The following FAM107B variants were observed in gnomAD, a reference collection of about 807,000 sequenced individuals.
FAM107B encodes the protein protein FAM107B.
FAM107B carries 21 observed loss-of-function variants against 31.5 expected under a neutral mutation model. That is an observed-to-expected ratio of 0.67 (90% CI 0.47 to 0.96). The LOEUF (loss-of-function observed/expected upper bound fraction) is 0.96, where lower values mean the gene tolerates loss of function less well. Ranked by LOEUF, FAM107B falls within the 40% of genes least tolerant of loss-of-function variation. The pLI, the probability that FAM107B is intolerant of heterozygous loss-of-function variation, is 0.00. For synonymous variants in FAM107B, 157 were observed against 141.5 expected (o/e 1.11, Z -0.78); for missense variants, 452 against 377.1 (o/e 1.20, Z -1.64).
intron 2 of FAM107B, among the ~76,000 whole-genome samples, chr10:14,640,220 G>T (rs1853595594): frequency 6.6e-6 from 1 of 152,204 alleles, no homozygotes; most frequent in Non-Finnish European, 1.5e-5. Flanking sequence ...TCTTGTTCAA[G>T]GCCACAAAGC....
intron 2 of FAM107B, among the ~76,000 whole-genome samples, chr10:14,579,682 AG>A (rs1223487713): frequency 1.3e-5 from 2 of 152,220 alleles, no homozygotes; most frequent in African/African-American, 4.8e-5. Flanking sequence ...TTAGGAGATA[AG>A]AGGAGGATAA....
At chr10:14,692,941 A>C (rs960408505) in intron 1 of FAM107B, among the ~76,000 whole-genome samples, 2 of 152,242 alleles carry the variant, frequency 1.3e-5, no homozygotes, top group Non-Finnish European at 2.9e-5. Flanking sequence ...AAACAACCTC[A>C]AGAGATCATT....
At chr10:14,526,455 C>T (rs954253332) in intron 3 of FAM107B, among the ~76,000 whole-genome samples, 8 of 152,274 alleles carry the variant, frequency 5.3e-5, no homozygotes, top group East Asian at 3.9e-4. Context: ...GAATTACAGG[C>T]GTGAGCCGCC....
intron 1 of FAM107B, among the ~76,000 whole-genome samples, chr10:14,730,042 G>A (rs28477844): frequency 2.6e-5 from 4 of 152,232 alleles, no homozygotes; most frequent in South Asian, 2.1e-4. Context: ...CTGTTGGGGG[G>A]TTGGGGGCAA....
At chr10:14,534,270 G>A (rs369728951) in intron 2 of FAM107B, among the ~76,000 whole-genome samples, 2 of 152,092 alleles carry the variant, frequency 1.3e-5, no homozygotes, top group African/African-American at 4.8e-5. Flanking sequence ...GGGGGTGAAC[G>A]GGCCGGAGCA....
At chr10:14,713,036 C>T (rs1855688979) in intron 1 of FAM107B, among the ~76,000 whole-genome samples, 1 of 152,140 alleles carries the variant, frequency 6.6e-6, no homozygotes, top group Non-Finnish European at 1.5e-5. Context: ...TCCTCCCCTC[C>T]CCTTTCCCAG....
At chr10:14,672,305 C>G (rs1291133313) in intron 1 of FAM107B, among the ~76,000 whole-genome samples, 1 of 152,100 alleles carries the variant, frequency 6.6e-6, no homozygotes, top group African/African-American at 2.4e-5. Context: ...TCAAGCTGGT[C>G]TCAAACTCCT....
At chr10:14,538,625 T>TCTGGATAATACAC (rs1394544692) in intron 2 of FAM107B, among the ~76,000 whole-genome samples, 1 of 152,216 alleles carries the variant, frequency 6.6e-6, no homozygotes, top group Non-Finnish European at 1.5e-5. Context: ...TAATACAGAT[T>TCTGGATAATACAC]CTGGTGACAC....
intron 2 of FAM107B, among the ~76,000 whole-genome samples, chr10:14,544,726 T>C (rs1230005124): frequency 6.6e-6 from 1 of 151,446 alleles, no homozygotes; most frequent in African/African-American, 2.4e-5. Context: ...TATTCCGGCA[T>C]GGTCTATGAT....
intron 2 of FAM107B, among the ~76,000 whole-genome samples, chr10:14,640,860 C>T (rs1237953465): frequency 1.3e-5 from 2 of 152,192 alleles, no homozygotes; most frequent in African/African-American, 4.8e-5. Context: ...TGCTTTTCTT[C>T]AAGGGGACTG....
chr10:14,682,572 T>G (rs7896538), intron 1 of FAM107B, among the ~76,000 whole-genome samples: 82,748 of 151,970 alleles, frequency 0.54, 23,634 homozygotes, highest in South Asian at 0.68. Flanking sequence ...TAAAAAAGGA[T>G]GAGCTCATGT....
chr10:14,658,242 A>C (rs1185580601), intron 2 of FAM107B, among the ~76,000 whole-genome samples: 3 of 152,258 alleles, frequency 2.0e-5, no homozygotes, highest in African/African-American at 7.2e-5. Context: ...AAGAGTTTAG[A>C]GGTCAGGTCT....
intron 2 of FAM107B, among the ~76,000 whole-genome samples, chr10:14,592,332 A>T (rs1369241305): frequency 6.6e-6 from 1 of 152,182 alleles, no homozygotes; most frequent in Non-Finnish European, 1.5e-5. Flanking sequence ...CCTTTGCTGG[A>T]AATTTTTGCC....
intron 1 of FAM107B, among the ~76,000 whole-genome samples, chr10:14,707,534 A>G (rs141842283): frequency 2.2e-4 from 34 of 152,278 alleles, no homozygotes; most frequent in African/African-American, 8.2e-4. Flanking sequence ...CCATGACTGC[A>G]GAAGAAAAGG....
intron 2 of FAM107B, among the ~76,000 whole-genome samples, chr10:14,536,610 C>T (rs1847639144): frequency 6.6e-6 from 1 of 152,226 alleles, no homozygotes; most frequent in Non-Finnish European, 1.5e-5. Context: ...AAACTCCTGA[C>T]TTGCCTGGCC....
intron 1 of FAM107B, among the ~76,000 whole-genome samples, chr10:14,695,721 C>G (rs1252941779): frequency 6.6e-6 from 1 of 152,094 alleles, no homozygotes; most frequent in Non-Finnish European, 1.5e-5. Flanking sequence ...AAGATTATTC[C>G]TAAGTACTTT....
At chr10:14,732,134 T>TA (rs1324301916) in intron 1 of FAM107B, among the ~76,000 whole-genome samples, 1 of 152,190 alleles carries the variant, frequency 6.6e-6, no homozygotes, top group Non-Finnish European at 1.5e-5. Context: ...GATAATGACC[T>TA]AACTCAAACT....
At chr10:14,699,910 A>G (rs1486594304) in intron 1 of FAM107B, among the ~76,000 whole-genome samples, 1 of 152,058 alleles carries the variant, frequency 6.6e-6, no homozygotes, top group Non-Finnish European at 1.5e-5. Context: ...GATAGTGAAG[A>G]GTCACTTTTT....
chr10:14,689,396 A>G (rs1001335719), intron 1 of FAM107B, among the ~76,000 whole-genome samples: 1 of 149,502 alleles, frequency 6.7e-6, no homozygotes, highest in Non-Finnish European at 1.5e-5. Flanking sequence ...AAAAAAAAAG[A>G]ATAAAAATTT....
Sources: gnomAD v4.1 joint callset for allele counts (sites outside exome capture counted in the v4.1 genomes callset) on GRCh38, gnomAD v4.1.1 for gene constraint, MANE v1.5 for transcripts, NCBI Gene and HGNC (gene_info 2026-07-23, HGNC 2026-07-21) for gene names.